ERBIN: variants seen among roughly 807,000 people sequenced by gnomAD.
ERBIN encodes the protein densin-180-like protein.
Under a neutral mutation model 158.4 loss-of-function variants are expected in ERBIN, and 60 were observed. The observed-to-expected ratio is 0.38, with a 90% CI of 0.31 to 0.47. The LOEUF (loss-of-function observed/expected upper bound fraction) is 0.47. ERBIN is among the 20% of genes least tolerant of loss of function. ERBIN has a pLI of 0.99. For synonymous variants in ERBIN, 594 were observed against 557.2 expected (o/e 1.07, Z -0.93); for missense variants, 1,610 against 1,648.0 (o/e 0.98, Z 0.40).
chr5:66,048,689 A>G lies in ERBIN; in HGVS notation c.1811A>G (p.Asp604Gly). 6.2e-7 allele frequency: 1 copy of G among 1,608,124 alleles called. No individual in the cohort carries two copies. Among genetic ancestry groups the G allele is most frequent in the Non-Finnish European group, 8.5e-7 (1 of 1,177,260 alleles). ...VFEESEELSS[D>G]EEMKMAEMRP... ...TAGGAATCTGAAGAACTTTCTTCTG[A>G]TGAAGAGATGAAAATGGCGGAGATG... Residue 604 changes from aspartate (D) to glycine (G), a missense_variant, in exon 19 of 26, where the codon GAT becomes GGT. By Grantham distance (94) the Asp-to-Gly change is moderately conservative (BLOSUM62 -1). Transcript: ENST00000284037.
At chr5:66,051,116 C>A in intron 20 of ERBIN, 150 bp downstream of exon 20, 2 of 518,052 alleles carry the variant, frequency 3.9e-6, no homozygotes, top group Non-Finnish European at 6.5e-6. Context: ...TGCTGATTTT[C>A]CATTTAGTTT....
chr5:66,072,907 C>T (rs1761656671), intron 22 of ERBIN, among the ~76,000 whole-genome samples: 1 of 152,064 alleles, frequency 6.6e-6, no homozygotes, highest in Non-Finnish European at 1.5e-5. Flanking sequence ...TTACATAAAA[C>T]TTCTATGTTG....
At chr5:65,961,052 A>G (rs1747851029) in intron 1 of ERBIN, 1 of 152,240 alleles carries the variant, frequency 6.6e-6, no homozygotes, top group African/African-American at 2.4e-5. Flanking sequence ...TTTCCATTAA[A>G]AGGGAAAAAT....
intron 1 of ERBIN, among the ~76,000 whole-genome samples, chr5:65,931,337 T>G (rs760867278): frequency 5.8e-4 from 89 of 152,304 alleles, no homozygotes; most frequent in Non-Finnish European, 1.1e-3. Flanking sequence ...GGTGTTACAG[T>G]GAAGCAATAG....
chr5:65,946,230 G>A (rs899073595), intron 1 of ERBIN, among the ~76,000 whole-genome samples: 2 of 152,032 alleles, frequency 1.3e-5, no homozygotes, highest in African/African-American at 4.8e-5. Flanking sequence ...TGGGTGTGGT[G>A]GTGTGTGCCT....
At chr5:66,072,463 TA>T (rs1430164435) in intron 22 of ERBIN, among the ~76,000 whole-genome samples, 172 bp downstream of exon 22, 2 of 152,252 alleles carry the variant, frequency 1.3e-5, no homozygotes, top group African/African-American at 4.8e-5. Flanking sequence ...TGACCCTGTC[TA>T]CTATTTCTCA....
chr5:65,967,308 C>T (rs1748756516), intron 1 of ERBIN, among the ~76,000 whole-genome samples: 2 of 152,032 alleles, frequency 1.3e-5, no homozygotes, highest in African/African-American at 2.4e-5. Flanking sequence ...CAGTAGTGTC[C>T]TAGACCTTCA....
intron 15 of ERBIN, among the ~76,000 whole-genome samples, chr5:66,040,765 C>G (rs966806122): frequency 1.9e-4 from 29 of 151,458 alleles, no homozygotes; most frequent in African/African-American, 7.0e-4. Flanking sequence ...ATTTTTCATC[C>G]CACCTTTGTG....
At chr5:66,035,517 C>T (rs961810808) in intron 14 of ERBIN, among the ~76,000 whole-genome samples, 1 of 152,152 alleles carries the variant, frequency 6.6e-6, no homozygotes, top group Non-Finnish European at 1.5e-5. Context: ...TTTATCCCTA[C>T]TACCACTTCC....
chr5:66,053,351 G>T, intron 20 of ERBIN, 55 bp from the exon 21 acceptor site: 1 of 1,099,034 alleles, frequency 9.1e-7, no homozygotes. Flanking sequence ...AATGTTCCCT[G>T]TTACTAAGAA....
Position 66,055,173 on chromosome 5 carries a change from T to C in ERBIN, c.3633+222T>C, listed in dbSNP as rs10471667. On this transcript the variant is annotated intron_variant, in intron 21 of 25. Transcript: ENST00000284037. The stretch of plus-strand genomic sequence containing the variant: ...CACTCCCCACTGTTTCTAACAAAAA[T>C]GTATTAATTTTATATGTTTATGTGT... 1.1e-4 allele frequency: 123 copies of C among 1,127,480 alleles called. No homozygotes were observed. The African/African-American group carries it at 1.8e-3, about 17-fold the overall frequency. The allele number at this position is 1,127,480 out of a possible 1,614,324, so 69.8% of individuals were successfully genotyped here.
At chr5:65,933,133 C>A (rs1743647465) in intron 1 of ERBIN, among the ~76,000 whole-genome samples, 1 of 152,184 alleles carries the variant, frequency 6.6e-6, no homozygotes, top group East Asian at 1.9e-4. Flanking sequence ...TGCATGTAAC[C>A]TTTAATCTCT....
intron 1 of ERBIN, among the ~76,000 whole-genome samples, chr5:65,950,626 C>A (rs1021804575): frequency 6.6e-6 from 1 of 152,168 alleles, no homozygotes; most frequent in Admixed American, 6.5e-5. Context: ...CTGTTAGAAG[C>A]CCAGCTCACC....
At chr5:66,038,759 A>G (rs1757645822) in intron 15 of ERBIN, among the ~76,000 whole-genome samples, 1 of 152,092 alleles carries the variant, frequency 6.6e-6, no homozygotes, top group Admixed American at 6.6e-5. Flanking sequence ...CTAGGAATAC[A>G]TGTTAAGTGT....
intron 1 of ERBIN, among the ~76,000 whole-genome samples, chr5:65,953,855 C>G (rs1191728526): frequency 1.3e-5 from 2 of 152,178 alleles, no homozygotes; most frequent in Admixed American, 1.3e-4. Context: ...AATGTTTAGG[C>G]TGTGGGGGAT....
chr5:66,017,682 T>C (rs766970969), intron 7 of ERBIN, among the ~76,000 whole-genome samples: 2 of 152,136 alleles, frequency 1.3e-5, no homozygotes, highest in Non-Finnish European at 2.9e-5. Flanking sequence ...ATCCCATTTG[T>C]CTATTTTTGT....
At chr5:66,001,385 C>T (rs1464821447) in intron 4 of ERBIN, among the ~76,000 whole-genome samples, 5 of 152,234 alleles carry the variant, frequency 3.3e-5, no homozygotes, top group African/African-American at 7.2e-5. Flanking sequence ...TTCATCATAT[C>T]ATCAAGCTGT....
At chr5:66,028,823 A>G (rs1462438464) in intron 14 of ERBIN, among the ~76,000 whole-genome samples, 2 of 152,096 alleles carry the variant, frequency 1.3e-5, no homozygotes, top group Non-Finnish European at 2.9e-5. Flanking sequence ...CAGCCCCAGA[A>G]TCCACCATTT....
rs1004901211 is a variant in ERBIN at position 66,008,883 on chromosome 5, G to A, written c.308-3166G>A. ...AAATCCATTCCATGTTTTCAAGGTC[G>A]GATCATTACTTGAAAATCAGTGTCA... On this transcript the variant is annotated intron_variant, in intron 4 of 25. Transcript: ENST00000284037. Among the ~76,000 whole-genome samples, 3 of 152,014 alleles carry A rather than the reference G, an allele frequency of 2.0e-5. No individual in the cohort carries two copies. The South Asian group carries it at 6.2e-4, about 32-fold the overall frequency.
Sources: gnomAD v4.1 joint callset for allele counts (sites outside exome capture counted in the v4.1 genomes callset) on GRCh38, gnomAD v4.1.1 for gene constraint, MANE v1.5 for transcripts, NCBI Gene and HGNC (gene_info 2026-07-23, HGNC 2026-07-21) for gene names.